ADAM23: variants seen among roughly 807,000 people sequenced by gnomAD.
The protein encoded by ADAM23 is disintegrin and metalloproteinase domain-containing protein 23.
In ADAM23, 33 loss-of-function variants were observed where a neutral mutation model predicts 120.1. That is an observed-to-expected ratio of 0.27 (90% CI 0.21 to 0.37). ADAM23 has a LOEUF of 0.37. Among genes scored for constraint, ADAM23 ranks in the 10% least tolerant of loss-of-function variants. ADAM23 has a pLI of 1.00. For synonymous variants in ADAM23, 367 were observed against 375.2 expected, an observed-to-expected ratio of 0.98 and a Z score of 0.25; for missense variants, 862 against 1,058.2, an observed-to-expected ratio of 0.81 and a Z score of 2.57.
chr2:206,557,337 C>A, intron 9 of ADAM23, 90 bp from the exon 10 acceptor site: 1 of 1,022,952 alleles, frequency 9.8e-7, no homozygotes, highest in Non-Finnish European at 1.5e-6. Context: ...CATATTTCTA[C>A]TATTACTGAG....
intron 18 of ADAM23, among the ~76,000 whole-genome samples, chr2:206,577,046 A>G (rs182074335): frequency 1.4e-4 from 21 of 152,288 alleles, no homozygotes; most frequent in African/African-American, 4.6e-4. Context: ...TTAGAGACTG[A>G]ATCCAATGCT....
At chr2:206,603,829 A>C (rs1186470709) in intron 24 of ADAM23, among the ~76,000 whole-genome samples, 2 of 152,106 alleles carry the variant, frequency 1.3e-5, no homozygotes, top group African/African-American at 4.8e-5. Context: ...AAAAATTAAC[A>C]CTCATTTAGT....
intron 2 of ADAM23, among the ~76,000 whole-genome samples, chr2:206,466,285 T>G (rs1695540769): frequency 6.6e-6 from 1 of 152,196 alleles, no homozygotes; most frequent in Non-Finnish European, 1.5e-5. Flanking sequence ...TCTTTTGAAA[T>G]TTTAACATGT....
chr2:206,541,173 A>G (rs1160666036), intron 4 of ADAM23, among the ~76,000 whole-genome samples: 1 of 151,526 alleles, frequency 6.6e-6, no homozygotes, highest in Admixed American at 6.6e-5. Context: ...CTCCAAGAAA[A>G]AAATAAAAAT....
intron 18 of ADAM23, among the ~76,000 whole-genome samples, chr2:206,576,386 G>A (rs185255279): frequency 6.7e-4 from 102 of 151,984 alleles, no homozygotes; most frequent in Non-Finnish European, 9.7e-4. Flanking sequence ...AGAACTCTTT[G>A]TTTAACCTAA....
At chr2:206,489,304 A>G (rs924096060) in intron 3 of ADAM23, among the ~76,000 whole-genome samples, 1 of 152,166 alleles carries the variant, frequency 6.6e-6, no homozygotes, top group African/African-American at 2.4e-5. Flanking sequence ...CTAGCAGCCC[A>G]TCATGCTCAC....
chr2:206,514,227 C>G (rs1054217967), intron 3 of ADAM23, among the ~76,000 whole-genome samples: 1 of 152,082 alleles, frequency 6.6e-6, no homozygotes, highest in Non-Finnish European at 1.5e-5. Context: ...TGGGTCTGGG[C>G]AAAGTAAATA....
chr2:206,520,218 C>T (rs1696815115), intron 3 of ADAM23, among the ~76,000 whole-genome samples: 1 of 152,062 alleles, frequency 6.6e-6, no homozygotes, highest in African/African-American at 2.4e-5. Context: ...TCTACAGAGG[C>T]CCCTGTCTCA....
intron 3 of ADAM23, among the ~76,000 whole-genome samples, chr2:206,492,045 G>T (rs1448076396): frequency 6.6e-6 from 1 of 152,214 alleles, no homozygotes; most frequent in Non-Finnish European, 1.5e-5. Context: ...GTCAAAGTTT[G>T]CCTGGAGAAG....
At chr2:206,480,398 T>C (rs2105877279) in intron 2 of ADAM23, among the ~76,000 whole-genome samples, 1 of 152,028 alleles carries the variant, frequency 6.6e-6, no homozygotes, top group East Asian at 1.9e-4. Flanking sequence ...AGGAATGCAA[T>C]TCTGGAGGAA....
intron 3 of ADAM23, among the ~76,000 whole-genome samples, chr2:206,489,873 A>G (rs909258409): frequency 9.9e-5 from 15 of 152,192 alleles, no homozygotes; most frequent in African/African-American, 3.6e-4. Context: ...ATTTTGGTCA[A>G]TTTGTAACTA....
At chr2:206,512,012 G>A (rs1245334838) in intron 3 of ADAM23, among the ~76,000 whole-genome samples, 1 of 152,166 alleles carries the variant, frequency 6.6e-6, no homozygotes, top group Non-Finnish European at 1.5e-5. Context: ...CTGTTAACTA[G>A]GAACATTCAC....
At chr2:206,614,435 G>A (rs915424876) in intron 25 of ADAM23, among the ~76,000 whole-genome samples, 19 of 152,088 alleles carry the variant, frequency 1.2e-4, no homozygotes, top group African/African-American at 2.2e-4. Context: ...TGGACAGATC[G>A]CCTGAGGACA....
rs771028676 is a variant in ADAM23, at chr2:206,589,395, C to T, written c.1853-14C>T. 9 of 1,607,596 alleles carry T rather than the reference C, an allele frequency of 5.6e-6. No individual in the cohort carries two copies. In the East Asian group the frequency reaches 1.6e-4, roughly 28 times the overall value. ...AATGAAAATTAATTTTCTTCTCTTG[C>T]CTATCTCCAAAAGAGGCTGCAGGGT... is the stretch of plus-strand genomic sequence containing the variant. On this transcript the variant is annotated splice_polypyrimidine_tract_variant and intron_variant, in intron 20 of 25. Transcript: ENST00000264377.
chr2:206,588,237 A>G, intron 20 of ADAM23, 83 bp downstream of exon 20: 1 of 1,424,044 alleles, frequency 7.0e-7, no homozygotes, highest in Non-Finnish European at 9.8e-7. Flanking sequence ...GCTGAGAGAG[A>G]TGCACAGCTT....
rs191820475 is a variant in ADAM23, at chr2:206,471,062, A to G, written c.433-10170A>G. 4.9e-3 allele frequency among the ~76,000 whole-genome samples: 754 copies of G among 152,348 alleles called. 2 individuals are homozygous for G. The highest frequency in any genetic ancestry group is 0.014 in the Middle Eastern group (4 of 294). ...ACATAAATCACTGGGTAGAAACAGTATGAAACCTATCAACAAGGATCAGTG... is the reference window on the plus strand; with the variant it reads ...ACATAAATCACTGGGTAGAAACAGTGTGAAACCTATCAACAAGGATCAGTG... On this transcript the variant is annotated intron_variant, in intron 2 of 25. Transcript: ENST00000264377.
At chr2:206,548,419 C>G in intron 8 of ADAM23, 65 bp downstream of exon 8, 10 of 1,470,116 alleles carry the variant, frequency 6.8e-6, no homozygotes, top group African/African-American at 1.4e-5. Flanking sequence ...CCTATCACCC[C>G]ACATTATCTA....
chr2:206,497,197 G>A (rs1046367042), intron 3 of ADAM23, among the ~76,000 whole-genome samples: 5 of 151,800 alleles, frequency 3.3e-5, no homozygotes, highest in East Asian at 1.9e-4. Context: ...GAGACACAAC[G>A]AAAAAAGAGA....
At chr2:206,556,059 C>T (rs572119956) in intron 9 of ADAM23, among the ~76,000 whole-genome samples, 92 of 152,174 alleles carry the variant, frequency 6.0e-4, no homozygotes, top group Non-Finnish European at 1.2e-3. Flanking sequence ...TATATGCACA[C>T]ATTACAGTTT....
Sources: gnomAD v4.1 joint callset for allele counts (sites outside exome capture counted in the v4.1 genomes callset) on GRCh38, gnomAD v4.1.1 for gene constraint, MANE v1.5 for transcripts, NCBI Gene and HGNC (gene_info 2026-07-23, HGNC 2026-07-21) for gene names.